The following LHX3 variants were observed in gnomAD, a reference collection of about 807,000 sequenced individuals.
LHX3 encodes the protein LIM/homeobox protein Lhx3.
LHX3 carries 21 observed loss-of-function variants against 32.4 expected under a neutral mutation model. The ratio of observed to expected loss-of-function variants is 0.65; its 90% CI spans 0.46 to 0.93. The LOEUF is 0.93. Among genes scored for constraint, LHX3 ranks in the 40% least tolerant of loss-of-function variants. The probability of loss-of-function intolerance (pLI) is 0.00; values close to 1 mark genes in which losing one functional copy is unlikely to be tolerated. For synonymous variants in LHX3, 258 were observed against 246.8 expected, an observed-to-expected ratio of 1.05 and a Z score of -0.43; for missense variants, 626 against 560.0, an observed-to-expected ratio of 1.12 and a Z score of -1.19.
chr9:136,203,730 G>A (rs977634530), intron 1 of LHX3, among the ~76,000 whole-genome samples: 3 of 152,214 alleles, frequency 2.0e-5, no homozygotes, highest in Non-Finnish European at 4.4e-5. Context: ...TCTGTGTCCT[G>A]GACACGCAGC....
rs973016406 is a variant in LHX3, at chr9:136,198,645, C to T, written c.775+7G>A. On this transcript the variant is annotated splice_region_variant and intron_variant, in intron 5 of 5. Coordinates refer to ENST00000371748, the MANE Select transcript of LHX3 (RefSeq NM_178138.6). ...CCCCCCCCGAGCTCCGCGATCCCTCCGCCTACCGGGGAAGGAGACCTCAGC... is the reference window on the plus strand; with the variant it reads ...CCCCCCCCGAGCTCCGCGATCCCTCTGCCTACCGGGGAAGGAGACCTCAGC... 1 of 1,580,330 alleles carries T rather than the reference C, an allele frequency of 6.3e-7. No homozygotes were observed. Among genetic ancestry groups the T allele is most frequent in the Non-Finnish European group, 8.6e-7 (1 of 1,166,258 alleles).
At chr9:136,198,514 A>C in intron 5 of LHX3, 138 bp downstream of exon 5, 1 of 1,023,054 alleles carries the variant, frequency 9.8e-7, no homozygotes, top group East Asian at 2.7e-5. Context: ...AGGTTCTGTA[A>C]GTGAAATGCT....
chr9:136,204,648 C>G (rs535184564), intron 1 of LHX3, among the ~76,000 whole-genome samples: 39 of 152,178 alleles, frequency 2.6e-4, no homozygotes, highest in Non-Finnish European at 5.1e-4. Context: ...CCGGGGGAAC[C>G]TAGCACCCCT....
intron 5 of LHX3, 94 bp downstream of exon 5, chr9:136,198,558 C>G (rs1332424586): frequency 1.6e-5 from 22 of 1,382,608 alleles, no homozygotes; most frequent in Non-Finnish European, 2.1e-5. Flanking sequence ...CCACTAACTC[C>G]ATGGGAAATT....
intron 1 of LHX3, among the ~76,000 whole-genome samples, chr9:136,202,298 G>C (rs556785409): frequency 2.0e-5 from 3 of 152,242 alleles, no homozygotes; most frequent in African/African-American, 7.2e-5. Flanking sequence ...CTGGCTCCGG[G>C]GCCTCCTTCC....
At chr9:136,200,864 C>A in intron 1 of LHX3, 111 bp from the exon 2 acceptor site, 3 of 1,263,596 alleles carry the variant, frequency 2.4e-6, no homozygotes, top group Non-Finnish European at 2.2e-6. Flanking sequence ...CTCAGGGCTG[C>A]CGAGGGGTCC....
rs928308899 is a variant in LHX3, at chr9:136,198,967, C to A, written c.547G>T (p.Ala183Ser). ...GAGAGCTGCTCGCGCACGTGGCGCGCCGGCTTGGGCGAGGTGTTGTAAGCG... is the reference window on the plus strand; with the variant it reads ...GAGAGCTGCTCGCGCACGTGGCGCGACGGCTTGGGCGAGGTGTTGTAAGCG... ...KSAYNTSPKP[A>S]RHVREQLSSE... Residue 183 changes from alanine (A) to serine (S), a missense_variant, in exon 4 of 6, where the codon GCG becomes TCG. Physicochemically the swap from Ala to Ser is moderately conservative, Grantham distance 99. Transcript: ENST00000371748. 6.3e-7 allele frequency: 1 copy of A among 1,589,840 alleles called. No homozygotes were observed. The highest frequency in any genetic ancestry group is 8.5e-7 in the Non-Finnish European group (1 of 1,172,182).
At chr9:136,203,315 G>A in intron 1 of LHX3, 1 of 228,620 alleles carries the variant, frequency 4.4e-6, no homozygotes, top group Non-Finnish European at 7.3e-6. Context: ...GCGGTGCCCA[G>A]AGGCCGCCCC....
At chr9:136,197,814 G>A (rs1588624420) in intron 5 of LHX3, 71 bp from the exon 6 acceptor site, 1 of 1,539,410 alleles carries the variant, frequency 6.5e-7, no homozygotes, top group African/African-American at 1.4e-5. Flanking sequence ...CATCCTGCAG[G>A]CGGAGGCACC....
Position 136,202,896 on chromosome 9 carries a change from C to G in LHX3, c.79+2038G>C, listed in dbSNP as rs755776680. On this transcript the variant is annotated intron_variant, in intron 1 of 5. Coordinates refer to ENST00000371748, the MANE Select transcript of LHX3 (RefSeq NM_178138.6). ...CCTCCGCGGCCAGGCCCGGAAAGGC[C>G]TGAGGATCTCCTGGTCTCCCCGGTG... 12 of 1,523,880 alleles carry G rather than the reference C, an allele frequency of 7.9e-6. No homozygotes were observed. In the African/African-American group the frequency reaches 1.5e-4, roughly 19 times the overall value. The allele number at this position is 1,523,880 out of a possible 1,614,324, so 94.4% of individuals were successfully genotyped here. A position where few individuals can be genotyped will look rare whatever the true frequency, so the allele number is the denominator to read the frequency against.
At position 136,201,152 on chromosome 9, in the gene LHX3, T is replaced by A. The variant is rs537568676; in HGVS notation, c.80-399A>T. The A allele has an allele frequency of 2.0e-5, 28 of 1,380,934 alleles. No individual in the cohort carries two copies. In the East Asian group the frequency reaches 6.8e-4, roughly 34 times the overall value. 85.5% of individuals were successfully genotyped at this position (1,380,934 alleles called of 1,614,324 possible). A position where few individuals can be genotyped will look rare whatever the true frequency, so the allele number is the denominator to read the frequency against. ...CCGGCAGGAAACATAGGGAAACGGG[T>A]CTTCACCATCACCTGGAGCTGGGGC... On this transcript the variant is annotated intron_variant, in intron 1 of 5. Coordinates refer to ENST00000371748, the MANE Select transcript of LHX3 (RefSeq NM_178138.6).
rs1831508640 is a variant in LHX3, at chr9:136,197,120, G to T, written c.*205C>A. On this transcript the variant is annotated 3_prime_UTR_variant, in exon 6 of 6. Transcript: ENST00000371748. ...GGCTGGCTTGCTGGGAGGCCACCTG[G>T]CGGGCCAGCCCTGTGTCAGAGGAGG... The T allele has an allele frequency of 1.7e-6, 1 of 601,064 alleles. No homozygotes were observed. The highest frequency in any genetic ancestry group is 2.9e-6 in the Non-Finnish European group (1 of 339,520). The allele number at this position is 601,064 out of a possible 1,614,324, so 37.2% of individuals were successfully genotyped here.
At position 136,202,595 on chromosome 9, in the gene LHX3, C is replaced by T. The variant is rs571201952; in HGVS notation, c.80-1842G>A. On this transcript the variant is annotated intron_variant, in intron 1 of 5. Coordinates refer to ENST00000371748, the MANE Select transcript of LHX3 (RefSeq NM_178138.6). The stretch of plus-strand genomic sequence containing the variant: ...CGTGGAAAGAGTCCGGCTGGGGCGG[C>T]CTTCTTGGGGACCCTCCTGTCCCGT... 3.3e-3 allele frequency among the ~76,000 whole-genome samples: 508 copies of T among 152,308 alleles called. 1 individual carries two copies. Among genetic ancestry groups the T allele is most frequent in the African/African-American group, 0.011 (455 of 41,576 alleles).
chr9:136,202,157 C>T (rs1052639495), intron 1 of LHX3, among the ~76,000 whole-genome samples: 53 of 152,268 alleles, frequency 3.5e-4, no homozygotes, highest in African/African-American at 1.2e-3. Context: ...CCCTCCCTCT[C>T]TCCGCCCCCC....
In LHX3 at chr9:136,198,756, C is replaced by T; in HGVS notation, c.671G>A (p.Trp224Ter). ...RLKKDAGRQRWGQYFRNMKRS... is the reference protein window; with the variant it reads ...RLKKDAGRQR ...CTTCATGTTGCGGAAATACTGCCCC[C>T]AGCGCTGCCGGCCGGCGTCCTTCTT... Residue 224 changes from tryptophan to a stop codon, truncating the protein, a stop_gained, in exon 5 of 6, where the codon TGG becomes TAG. Coordinates refer to ENST00000371748, the MANE Select transcript of LHX3 (RefSeq NM_178138.6). LOFTEE classifies it high-confidence loss of function. The T allele has an allele frequency of 6.2e-7, 1 of 1,611,512 alleles. No homozygotes were observed. Among genetic ancestry groups the T allele is most frequent in the Non-Finnish European group, 8.5e-7 (1 of 1,179,832 alleles).
chr9:136,200,206 G>A, intron 2 of LHX3: 1 of 561,686 alleles, frequency 1.8e-6, no homozygotes, highest in African/African-American at 1.9e-5. Context: ...GAAGGCCACT[G>A]GGCCAGAGCC....
chr9:136,203,642 A>G (rs1030230009), intron 1 of LHX3, among the ~76,000 whole-genome samples: 2 of 152,320 alleles, frequency 1.3e-5, no homozygotes, highest in African/African-American at 4.8e-5. Context: ...AGATGCTAAC[A>G]GGCTTCTGGG....
At position 136,198,722 on chromosome 9, in the gene LHX3, G is replaced by C. The variant is rs138595537; in HGVS notation, c.705C>G (p.Arg235=). ...GQYFRNMKRS[R]GGSKSDKDSV... The stretch of plus-strand genomic sequence containing the variant: ...TGTCCTTGTCCGACTTGGAGCCGCC[G>C]CGGGAGCGCTTCATGTTGCGGAAAT... Residue 235 remains arginine (R), a synonymous_variant, in exon 5 of 6, where the codon CGC becomes CGG. Coordinates refer to ENST00000371748, the MANE Select transcript of LHX3 (RefSeq NM_178138.6). 1.6e-4 allele frequency: 250 copies of C among 1,611,486 alleles called. No homozygotes were observed. The African/African-American group carries it at 3.1e-3, about 20-fold the overall frequency.
Position 136,197,201 on chromosome 9 carries a change from G to T in LHX3, c.*124C>A. 9.7e-7 allele frequency: 1 copy of T among 1,028,740 alleles called. No individual in the cohort carries two copies. Among genetic ancestry groups the T allele is most frequent in the Non-Finnish European group, 1.5e-6 (1 of 683,494 alleles). The allele number at this position is 1,028,740 out of a possible 1,614,324, so 63.7% of individuals were successfully genotyped here. On this transcript the variant is annotated 3_prime_UTR_variant, in exon 6 of 6. Transcript: ENST00000371748. ...GGAGCTGTGCGGTCGGCAGTGGGAGGCTCCGAAGGCACCAGCCCTCCCTTG... is the reference window on the plus strand; with the variant it reads ...GGAGCTGTGCGGTCGGCAGTGGGAGTCTCCGAAGGCACCAGCCCTCCCTTG...
Sources: gnomAD v4.1 joint callset for allele counts (sites outside exome capture counted in the v4.1 genomes callset) on GRCh38, gnomAD v4.1.1 for gene constraint, MANE v1.5 for transcripts, NCBI Gene and HGNC (gene_info 2026-07-23, HGNC 2026-07-21) for gene names.